COL14A1: variants seen among roughly 807,000 people sequenced by gnomAD.
The protein encoded by COL14A1 is collagen type XIV alpha 1 chain, also known as collagen alpha-1(XIV) chain.
COL14A1 carries 136 observed loss-of-function variants against 230.3 expected under a neutral mutation model. That is an observed-to-expected ratio of 0.59 (90% CI 0.51 to 0.68). COL14A1 has a LOEUF of 0.68. COL14A1 is among the 30% of genes least tolerant of loss of function. The pLI is 0.00. For missense variants in COL14A1, 1,976 were observed against 2,215.8 expected, an observed-to-expected ratio of 0.89 and a Z score of 2.17; for synonymous variants, 792 against 784.1, an observed-to-expected ratio of 1.01 and a Z score of -0.17.
intron 34 of COL14A1, among the ~76,000 whole-genome samples, chr8:120,292,443 A>G (rs554943562): frequency 2.6e-5 from 4 of 152,280 alleles, no homozygotes; most frequent in African/African-American, 9.6e-5. Flanking sequence ...ATTACTAACT[A>G]GATTTTCAGT....
At chr8:120,279,678 C>T (rs191343492) in intron 28 of COL14A1, among the ~76,000 whole-genome samples, 35 of 152,132 alleles carry the variant, frequency 2.3e-4, no homozygotes, top group Admixed American at 2.2e-3. Context: ...CAAACTACTT[C>T]GTCTCAGGCA....
chr8:120,224,129 C>T (rs1470452056), intron 14 of COL14A1, among the ~76,000 whole-genome samples: 2 of 145,652 alleles, frequency 1.4e-5, no homozygotes, highest in African/African-American at 2.5e-5. Flanking sequence ...CTGGTTCAAG[C>T]GATTCTCCTG....
At chr8:120,247,194 A>T (rs4871051) in intron 20 of COL14A1, among the ~76,000 whole-genome samples, 3 of 152,068 alleles carry the variant, frequency 2.0e-5, no homozygotes, top group Non-Finnish European at 4.4e-5. Flanking sequence ...GAGGCCAAGG[A>T]GAATGGATCA....
intron 3 of COL14A1, among the ~76,000 whole-genome samples, chr8:120,160,090 A>T (rs774415678): frequency 1.3e-5 from 2 of 152,178 alleles, no homozygotes; most frequent in Non-Finnish European, 2.9e-5. Context: ...TGGCGTACAG[A>T]AGTGACTTGC....
intron 5 of COL14A1, among the ~76,000 whole-genome samples, chr8:120,184,723 C>A (rs1238694538): frequency 6.6e-6 from 1 of 152,104 alleles, no homozygotes; most frequent in Non-Finnish European, 1.5e-5. Flanking sequence ...CAAACACTGG[C>A]AGGCTCAAAA....
At chr8:120,242,017 C>G (rs1818621739) in intron 19 of COL14A1, among the ~76,000 whole-genome samples, 1 of 152,134 alleles carries the variant, frequency 6.6e-6, no homozygotes, top group African/African-American at 2.4e-5. Context: ...GTAATTAACA[C>G]AAACTTTGTT....
chr8:120,191,011 AT>A (rs1389944578), intron 5 of COL14A1, among the ~76,000 whole-genome samples: 1 of 145,192 alleles, frequency 6.9e-6, no homozygotes, highest in African/African-American at 2.6e-5. Flanking sequence ...GGATTCATTA[AT>A]TTTTTGAAGG....
At chr8:120,245,103 G>A (rs180864882) in intron 20 of COL14A1, among the ~76,000 whole-genome samples, 54 of 152,266 alleles carry the variant, frequency 3.5e-4, no homozygotes, top group Admixed American at 6.5e-4. Flanking sequence ...ATATTTGCAT[G>A]TAAGAGTTTT....
chr8:120,270,981 C>T (rs1241285403), intron 26 of COL14A1, among the ~76,000 whole-genome samples: 1 of 151,608 alleles, frequency 6.6e-6, no homozygotes, highest in Non-Finnish European at 1.5e-5. Context: ...CCTAAATGCC[C>T]ATCAATAGTA....
chr8:120,354,525 C>T (rs954836215), intron 45 of COL14A1, among the ~76,000 whole-genome samples: 3 of 151,920 alleles, frequency 2.0e-5, no homozygotes, highest in Admixed American at 6.6e-5. Context: ...CTTTCATGTT[C>T]GCAATGTGAT....
At chr8:120,224,288 A>G (rs1229542917) in intron 14 of COL14A1, among the ~76,000 whole-genome samples, 1 of 152,010 alleles carries the variant, frequency 6.6e-6, no homozygotes, top group Non-Finnish European at 1.5e-5. Context: ...CGGCCTCCCA[A>G]AGTGCTGGGA....
intron 14 of COL14A1, among the ~76,000 whole-genome samples, chr8:120,224,147 C>G (rs574704623): frequency 6.7e-6 from 1 of 150,054 alleles, no homozygotes; most frequent in Admixed American, 6.7e-5. Context: ...CTGCCATGGC[C>G]TCCTGAGTAG....
chr8:120,303,178 C>T (rs1189105164), intron 36 of COL14A1, among the ~76,000 whole-genome samples: 4 of 152,168 alleles, frequency 2.6e-5, no homozygotes, highest in African/African-American at 9.7e-5. Context: ...ATCATGTCAT[C>T]TGCAAACAGG....
intron 9 of COL14A1, 64 bp downstream of exon 9, chr8:120,203,934 T>C (rs1174468876): frequency 2.7e-6 from 4 of 1,491,140 alleles, no homozygotes; most frequent in Admixed American, 3.8e-5. Context: ...CTATTGTGAA[T>C]TGGGAAAATT....
intron 5 of COL14A1, among the ~76,000 whole-genome samples, chr8:120,178,793 C>A (rs1239553406): frequency 6.6e-6 from 1 of 152,176 alleles, no homozygotes; most frequent in African/African-American, 2.4e-5. Flanking sequence ...GATGATATCT[C>A]ATTGTGGTTT....
At chr8:120,300,864 A>G (rs1396101871) in intron 36 of COL14A1, 46 bp downstream of exon 36, 3 of 1,423,962 alleles carry the variant, frequency 2.1e-6, no homozygotes, top group South Asian at 2.3e-5. Flanking sequence ...AATAATATTA[A>G]TAGCTATCAC....
intron 2 of COL14A1, among the ~76,000 whole-genome samples, chr8:120,148,352 C>T (rs1459448647): frequency 2.0e-5 from 3 of 151,896 alleles, no homozygotes; most frequent in African/African-American, 4.8e-5. Flanking sequence ...AGGCTGCTCT[C>T]GAACTCCTGA....
chr8:120,287,110 A>G (rs1820227269), intron 33 of COL14A1, among the ~76,000 whole-genome samples: 1 of 152,084 alleles, frequency 6.6e-6, no homozygotes, highest in African/African-American at 2.4e-5. Context: ...CTCCTGTCTC[A>G]TGGCCCAGAA....
At chr8:120,159,835 G>A (rs192221728) in intron 3 of COL14A1, among the ~76,000 whole-genome samples, 2 of 152,202 alleles carry the variant, frequency 1.3e-5, no homozygotes, top group South Asian at 2.1e-4. Flanking sequence ...GGGATTACAG[G>A]TGCCCGCCAC....
Sources: allele counts gnomAD v4.1 joint callset (sites outside exome capture counted in the v4.1 genomes callset), GRCh38; gene constraint gnomAD v4.1.1; transcripts MANE v1.5; gene names NCBI Gene and HGNC (gene_info 2026-07-23, HGNC 2026-07-21).